Variants in HOOK1 observed in about 807,000 individuals in gnomAD.
HOOK1 encodes protein Hook homolog 1.
HOOK1 carries 60 observed loss-of-function variants against 112.8 expected under a neutral mutation model. That is an observed-to-expected ratio of 0.53 (90% CI 0.43 to 0.66). The LOEUF is 0.66. HOOK1 is among the 30% of genes least tolerant of loss of function. HOOK1 has a pLI of 0.00. For synonymous variants in HOOK1, 294 were observed against 283.8 expected, an observed-to-expected ratio of 1.04 and a Z score of -0.36; for missense variants, 770 against 856.0, an observed-to-expected ratio of 0.90 and a Z score of 1.25.
intron 12 of HOOK1, among the ~76,000 whole-genome samples, chr1:59,849,784 A>G (rs138892528): frequency 1.3e-5 from 2 of 151,642 alleles, no homozygotes; most frequent in Non-Finnish European, 3.0e-5. Context: ...GTGTTGTAGC[A>G]TATATCAGTG....
chr1:59,859,778 A>G lies in HOOK1; in HGVS notation c.1392-410A>G, dbSNP rs112400940. Among the ~76,000 whole-genome samples the G allele has an allele frequency of 8.6e-3, 1,302 of 152,136 alleles. 14 individuals carry two copies. The highest frequency in any genetic ancestry group is 0.03 in the African/African-American group (1,231 of 41,550). On this transcript the variant is annotated intron_variant, in intron 14 of 21. Transcript: ENST00000371208. ...TATATATTAAAATTTTGCTCAAACTATAGTTTCTTAAATCTATTGCTTTTC... is the reference window on the plus strand; with the variant it reads ...TATATATTAAAATTTTGCTCAAACTGTAGTTTCTTAAATCTATTGCTTTTC...
chr1:59,848,752 A>G (rs2098405533), intron 11 of HOOK1, among the ~76,000 whole-genome samples: 1 of 151,114 alleles, frequency 6.6e-6, no homozygotes, highest in Non-Finnish European at 1.5e-5. Context: ...TTGAGATTTT[A>G]TTGTTTATTA....
rs1644118333 is a variant in HOOK1 at position 59,875,583 on chromosome 1, T to C, written c.*2618T>C. On this transcript the variant is annotated 3_prime_UTR_variant, in exon 22 of 22. Coordinates refer to ENST00000371208, the MANE Select transcript of HOOK1 (RefSeq NM_015888.6). Reference sequence around the variant, plus strand: ...AGGGAGGCTTGAGTACATATACCAATGAAGAGATATTCAGCATTTGTCTAT... The same window carrying C: ...AGGGAGGCTTGAGTACATATACCAACGAAGAGATATTCAGCATTTGTCTAT... 1 of 152,456 alleles carries C rather than the reference T, an allele frequency of 6.6e-6. No individual in the cohort carries two copies. Among genetic ancestry groups the C allele is most frequent in the Non-Finnish European group, 1.5e-5 (1 of 68,018 alleles). The allele number at this position is 152,456 out of a possible 1,614,324, so 9.4% of individuals were successfully genotyped here.
intron 2 of HOOK1, among the ~76,000 whole-genome samples, chr1:59,824,343 G>T (rs1574175744): frequency 1.3e-5 from 2 of 152,042 alleles, no homozygotes; most frequent in African/African-American, 4.8e-5. Flanking sequence ...CAGTAGCTGG[G>T]ATTACAGGCG....
In HOOK1 at chr1:59,862,802, T is replaced by C; in HGVS notation, c.1551T>C (p.Ile517=). The change falls in exon 16 of 22, where the codon ATT becomes ATC. Residue 517 remains isoleucine, a synonymous_variant. Coordinates refer to ENST00000371208, the MANE Select transcript of HOOK1 (RefSeq NM_015888.6). ...ACAATAGGCTGAGCAAAGAGCGTAT[T>C]AGAGAATTGCAGCAGCAGATTGAGG... The part of the protein sequence containing the change: ...ETEQRLSKER[I]RELQQQIEDL... 6.2e-7 allele frequency: 1 copy of C among 1,611,170 alleles called. No homozygotes were observed. Among genetic ancestry groups the C allele is most frequent in the South Asian group, 1.1e-5 (1 of 90,984 alleles).
chr1:59,846,574 CCTT>C lies in HOOK1; in HGVS notation c.789-469_789-467del, dbSNP rs1381407841. Among the ~76,000 whole-genome samples, 486 of 85,392 alleles carry C rather than the reference CCTT, an allele frequency of 5.7e-3. 31 individuals are homozygous for C. The highest frequency in any genetic ancestry group is 0.011 in the South Asian group (22 of 1,948). 56.0% of individuals were successfully genotyped at this position (85,392 alleles called of 152,430 possible). A position where few individuals can be genotyped will look rare whatever the true frequency, so the allele number is the denominator to read the frequency against. Reference sequence around the variant, plus strand: ...TCCTTCCTTCCTTCCTTCCTTCCTTCCTTCCTTCCTTCCTCCCTCCTCCCTCCC... The same window carrying C: ...TCCTTCCTTCCTTCCTTCCTTCCTTCCCTTCCTTCCTCCCTCCTCCCTCCC... On this transcript the variant is annotated intron_variant, in intron 9 of 21. Coordinates refer to ENST00000371208, the MANE Select transcript of HOOK1 (RefSeq NM_015888.6).
chr1:59,819,138 A>AT (rs60936378), intron 1 of HOOK1, among the ~76,000 whole-genome samples: 2,312 of 76,562 alleles, frequency 0.03, 423 homozygotes, highest in South Asian at 0.037. Flanking sequence ...CCCAATAAGC[A>AT]TTTTTTTTTT....
intron 12 of HOOK1, among the ~76,000 whole-genome samples, chr1:59,851,507 G>A (rs1378648594): frequency 2.6e-5 from 4 of 151,480 alleles, no homozygotes; most frequent in Non-Finnish European, 5.9e-5. Flanking sequence ...TTTGTGCATT[G>A]ATCATGAATC....
intron 15 of HOOK1, among the ~76,000 whole-genome samples, chr1:59,861,841 T>TA (rs1391740377): frequency 2.0e-5 from 3 of 152,344 alleles, no homozygotes; most frequent in East Asian, 3.9e-4. Flanking sequence ...ACTTGAATCT[T>TA]ACCTTTCTCA....
chr1:59,853,714 TC>T (rs1194544545), intron 12 of HOOK1, among the ~76,000 whole-genome samples: 1 of 151,824 alleles, frequency 6.6e-6, no homozygotes, highest in African/African-American at 2.4e-5. Flanking sequence ...CCAGTTTAGT[TC>T]CTTAGTTTCT....
chr1:59,855,328 C>G (rs1029862083), intron 12 of HOOK1, among the ~76,000 whole-genome samples: 5 of 152,152 alleles, frequency 3.3e-5, no homozygotes, highest in Non-Finnish European at 7.4e-5. Context: ...CTATTGCTCC[C>G]TTCTTTGTGT....
chr1:59,865,137 G>T lies in HOOK1; in HGVS notation c.1662-26G>T, dbSNP rs72923822. 2.3e-3 allele frequency: 3,222 copies of T among 1,409,020 alleles called. 71 individuals are homozygous for T. The African/African-American group carries it at 0.04, about 17-fold the overall frequency. 87.3% of individuals were successfully genotyped at this position (1,409,020 alleles called of 1,614,324 possible). A position where few individuals can be genotyped will look rare whatever the true frequency, so the allele number is the denominator to read the frequency against. On this transcript the variant is annotated intron_variant, in intron 17 of 21. Transcript: ENST00000371208. ...CACAAATGTTATATGGCAGAGACCA[G>T]TCTCCATGCTTTTTCTACCACTTAG...
Position 59,836,935 on chromosome 1 carries a change from G to A in HOOK1, c.537G>A (p.Gln179=). 6.3e-7 allele frequency: 1 copy of A among 1,588,838 alleles called. No individual in the cohort carries two copies. The part of the protein sequence containing the change: ...PNDAVGELEQ[Q]LKRALEELQE... ...ATGCTGTTGGAGAATTGGAGCAACA[G>A]GTGAGTATTTTAGTATGGAAGAAAA... The change falls in exon 7 of 22, where the codon CAG becomes CAA. Residue 179 remains glutamine (Q), a splice_region_variant and synonymous_variant. Transcript: ENST00000371208.
In HOOK1 at chr1:59,840,338, G is replaced by A. The variant is rs1243112054; in HGVS notation, c.568G>A (p.Ala190Thr). 2 of 1,597,856 alleles carry A rather than the reference G, an allele frequency of 1.3e-6. No homozygotes were observed. The highest frequency in any genetic ancestry group is 1.3e-5 in the African/African-American group (1 of 74,160). Residue 190 changes from alanine to threonine, a missense_variant, in exon 8 of 22, where the codon GCA (alanine) becomes ACA (threonine). By Grantham distance (58) the Ala-to-Thr change is moderately conservative. This residue lies in a region of HOOK1 where 655 missense variants were observed against 725.9 expected (regional missense o/e 0.90). Transcript: ENST00000371208. ...AAGAGCCTTGGAAGAACTTCAGGAA[G>A]CACTAGCAGAAAAAGAAGAGCTGAG... ...LKRALEELQE[A>T]LAEKEELRQR...
At chr1:59,868,935 G>A (rs1413240620) in intron 20 of HOOK1, among the ~76,000 whole-genome samples, 1 of 152,096 alleles carries the variant, frequency 6.6e-6, no homozygotes, top group Non-Finnish European at 1.5e-5. Flanking sequence ...ATATTTTTGT[G>A]TTAGTGGTTA....
In HOOK1 at chr1:59,873,765, A is replaced by ATATATATG. The variant is rs1553465916; in HGVS notation, c.*800_*801insTATATATG. 1.9e-4 allele frequency: 23 copies of ATATATATG among 123,000 alleles called. No individual in the cohort carries two copies. The highest frequency in any genetic ancestry group is 3.1e-4 in the Non-Finnish European group (18 of 57,156). The allele number at this position is 123,000 out of a possible 1,614,324, so 7.6% of individuals were successfully genotyped here. ...TATATATATATATATATATATATAT[A>ATATATATG]CTTTTTGTGAAATGTCTATATACTT... On this transcript the variant is annotated 3_prime_UTR_variant, in exon 22 of 22. Transcript: ENST00000371208.
chr1:59,849,210 A>G (rs747664563), intron 12 of HOOK1, 27 bp downstream of exon 12: 1 of 1,443,488 alleles, frequency 6.9e-7, no homozygotes. Context: ...TTGATAAGGA[A>G]TATTTCATTG....
chr1:59,848,750 T>G (rs998225309), intron 11 of HOOK1, among the ~76,000 whole-genome samples: 1 of 151,532 alleles, frequency 6.6e-6, no homozygotes, highest in African/African-American at 2.4e-5. Context: ...TTTTGAGATT[T>G]TATTGTTTAT....
intron 1 of HOOK1, 25 bp downstream of exon 1, chr1:59,815,205 G>A: frequency 1.3e-6 from 2 of 1,539,862 alleles, no homozygotes; most frequent in Non-Finnish European, 1.7e-6. Flanking sequence ...GCGAGAGGGC[G>A]AGGGGGCCAG....
Sources: allele counts gnomAD v4.1 joint callset (sites outside exome capture counted in the v4.1 genomes callset), GRCh38; gene constraint gnomAD v4.1.1; regional missense constraint gnomAD v4.1.1; transcripts MANE v1.5; gene names NCBI Gene and HGNC (gene_info 2026-07-23, HGNC 2026-07-21).